GPC6: variants seen among roughly 807,000 people sequenced by gnomAD.
GPC6 encodes glypican-6.
In GPC6, 14 loss-of-function variants were observed where a neutral mutation model predicts 55.2. That is an observed-to-expected ratio of 0.25 (90% CI 0.17 to 0.40). The LOEUF is 0.40. GPC6 is among the 10% of genes least tolerant of loss of function. The pLI, the probability that GPC6 is intolerant of heterozygous loss-of-function variation, is 1.00. For synonymous variants in GPC6, 278 were observed against 259.6 expected (o/e 1.07, Z -0.68); for missense variants, 641 against 708.5 (o/e 0.90, Z 1.08).
At chr13:93,341,728 C>T (rs572895383) in intron 1 of GPC6, among the ~76,000 whole-genome samples, 17 of 148,702 alleles carry the variant, frequency 1.1e-4, no homozygotes, top group Admixed American at 4.0e-4. Context: ...GCTGAGCAGA[C>T]GCTTTTTAGT....
Position 93,310,593 on chromosome 13 carries a change from C to T in GPC6, c.160+82977C>T, listed in dbSNP as rs144450775. On this transcript the variant is annotated intron_variant, in intron 1 of 8. Coordinates refer to ENST00000377047, the MANE Select transcript of GPC6 (RefSeq NM_005708.5). ...AAAGCCCTTCAAATATCCTTCAAAC[C>T]AGTCCCATAAGGAAAATCCTGTATA... 2.2e-3 allele frequency among the ~76,000 whole-genome samples: 339 copies of T among 152,286 alleles called. 1 individual carries two copies. The highest frequency in any genetic ancestry group is 0.018 in the South Asian group (88 of 4,828).
chr13:93,555,997 C>T (rs1875443729), intron 2 of GPC6, among the ~76,000 whole-genome samples: 1 of 152,260 alleles, frequency 6.6e-6, no homozygotes, highest in Admixed American at 6.5e-5. Flanking sequence ...TAAGGTCAGC[C>T]AGTAACAGGC....
intron 2 of GPC6, among the ~76,000 whole-genome samples, chr13:93,720,250 T>G (rs1332240095): frequency 2.6e-5 from 4 of 152,062 alleles, no homozygotes; most frequent in African/African-American, 9.7e-5. Context: ...TCAGAACTTG[T>G]TATTGGTCTA....
At chr13:94,142,112 G>A (rs758935504) in intron 4 of GPC6, among the ~76,000 whole-genome samples, 9 of 152,056 alleles carry the variant, frequency 5.9e-5, no homozygotes, top group Non-Finnish European at 1.0e-4. Context: ...CTCTTTTATG[G>A]TCAACTCTGG....
At chr13:94,104,820 C>T (rs1205363831) in intron 4 of GPC6, among the ~76,000 whole-genome samples, 1 of 152,016 alleles carries the variant, frequency 6.6e-6, no homozygotes, top group Admixed American at 6.6e-5. Context: ...TAAAAGAGGA[C>T]ACAAACAAAT....
At chr13:93,401,423 C>T (rs775000662) in intron 1 of GPC6, among the ~76,000 whole-genome samples, 5 of 151,926 alleles carry the variant, frequency 3.3e-5, no homozygotes, top group Non-Finnish European at 7.4e-5. Flanking sequence ...ATAGAAAACA[C>T]TGCATTAAAC....
chr13:93,403,506 G>A (rs1469208547), intron 1 of GPC6, among the ~76,000 whole-genome samples: 2 of 152,122 alleles, frequency 1.3e-5, no homozygotes, highest in Non-Finnish European at 2.9e-5. Flanking sequence ...ATAATTAGTG[G>A]ACTCATATAG....
chr13:93,585,261 C>G (rs9524137), intron 2 of GPC6, among the ~76,000 whole-genome samples: 105,892 of 151,992 alleles, frequency 0.7, 40,768 homozygotes, highest in Non-Finnish European at 0.85. Flanking sequence ...AAAACAATCT[C>G]TTTTTCTCAG....
intron 7 of GPC6, among the ~76,000 whole-genome samples, chr13:94,387,933 C>A (rs1594232174): frequency 6.6e-6 from 1 of 152,094 alleles, no homozygotes; most frequent in Non-Finnish European, 1.5e-5. Context: ...GTCATAGAAG[C>A]CCAAGCTAAG....
intron 4 of GPC6, among the ~76,000 whole-genome samples, chr13:94,083,048 T>C (rs554688595): frequency 6.6e-6 from 1 of 152,348 alleles, no homozygotes; most frequent in South Asian, 2.1e-4. Context: ...CCTGCTGGAA[T>C]GTCCCCTGCT....
chr13:93,451,193 A>C (rs1437683637), intron 1 of GPC6, among the ~76,000 whole-genome samples: 1 of 152,244 alleles, frequency 6.6e-6, no homozygotes, highest in Non-Finnish European at 1.5e-5. Flanking sequence ...CAAGGAAATG[A>C]GTTTGTCTTT....
intron 7 of GPC6, among the ~76,000 whole-genome samples, chr13:94,396,253 C>G (rs1880893006): frequency 6.6e-6 from 1 of 152,158 alleles, no homozygotes; most frequent in Admixed American, 6.5e-5. Flanking sequence ...AGTGTGCTGT[C>G]TGTTTCTTAC....
At chr13:93,635,140 C>T (rs1879638729) in intron 2 of GPC6, among the ~76,000 whole-genome samples, 1 of 145,584 alleles carries the variant, frequency 6.9e-6, no homozygotes, top group Admixed American at 6.9e-5. Context: ...CATAATACAG[C>T]TTTTTTTTTT....
At chr13:93,676,690 C>A (rs1398805376) in intron 2 of GPC6, among the ~76,000 whole-genome samples, 1 of 152,112 alleles carries the variant, frequency 6.6e-6, no homozygotes, top group Non-Finnish European at 1.5e-5. Flanking sequence ...TTTATTTATA[C>A]CTCCTCTTAG....
intron 3 of GPC6, among the ~76,000 whole-genome samples, chr13:93,857,748 G>A (rs753851097): frequency 8.6e-5 from 13 of 151,616 alleles, no homozygotes; most frequent in Admixed American, 2.6e-4. Flanking sequence ...TAGAGAAAGT[G>A]GAATGGGAGA....
chr13:93,476,348 G>A (rs1418232723), intron 1 of GPC6, among the ~76,000 whole-genome samples: 1 of 152,002 alleles, frequency 6.6e-6, no homozygotes, highest in Non-Finnish European at 1.5e-5. Flanking sequence ...CGTAGCCACT[G>A]GTCTTCAAAA....
intron 4 of GPC6, among the ~76,000 whole-genome samples, chr13:94,088,588 AGG>A (rs1566388903): frequency 4.4e-5 from 1 of 22,960 alleles, no homozygotes; most frequent in East Asian, 8.0e-4. Context: ...AGGGGAGGGG[AGG>A]GGAGAGGAGA....
At chr13:93,329,842 C>CAA (rs34309783) in intron 1 of GPC6, among the ~76,000 whole-genome samples, 2 of 143,468 alleles carry the variant, frequency 1.4e-5, no homozygotes, top group African/African-American at 5.1e-5. Flanking sequence ...ACAACAATAA[C>CAA]AAAAAAAAAA....
At chr13:93,471,358 C>CAAAAAAAAA (rs59410717) in intron 1 of GPC6, among the ~76,000 whole-genome samples, 1 of 123,156 alleles carries the variant, frequency 8.1e-6, no homozygotes, top group African/African-American at 3.1e-5. Context: ...TCTAAAAATA[C>CAAAAAAAAA]AAAAAAAAAA....
Sources: allele counts gnomAD v4.1 joint callset (sites outside exome capture counted in the v4.1 genomes callset), GRCh38; gene constraint gnomAD v4.1.1; transcripts MANE v1.5; gene names NCBI Gene and HGNC (gene_info 2026-07-23, HGNC 2026-07-21).